Variants in SPPL2A observed in about 807,000 individuals in gnomAD.
SPPL2A encodes the protein signal peptide peptidase-like 2A.
SPPL2A carries 51 observed loss-of-function variants against 63.8 expected under a neutral mutation model. That is an observed-to-expected ratio of 0.80 (90% CI 0.64 to 1.01). The LOEUF (loss-of-function observed/expected upper bound fraction) is 1.01, where lower values mean the gene tolerates loss of function less well. SPPL2A is among the 50% of genes least tolerant of loss of function. The pLI, the probability that SPPL2A is intolerant of heterozygous loss-of-function variation, is 0.00. For missense variants in SPPL2A, 553 were observed against 622.7 expected, an observed-to-expected ratio of 0.89 and a Z score of 1.19; for synonymous variants, 188 against 205.8, an observed-to-expected ratio of 0.91 and a Z score of 0.74.
At chr15:50,737,304 T>A (rs1414200150) in intron 6 of SPPL2A, among the ~76,000 whole-genome samples, 1 of 152,172 alleles carries the variant, frequency 6.6e-6, no homozygotes, top group Non-Finnish European at 1.5e-5. Context: ...CTTTTTTCTA[T>A]CAATGACTAC....
chr15:50,740,243 A>G (rs1369587323), intron 5 of SPPL2A, among the ~76,000 whole-genome samples: 1 of 151,738 alleles, frequency 6.6e-6, no homozygotes, highest in Non-Finnish European at 1.5e-5. Flanking sequence ...CCTAACCAAC[A>G]TGGTGAAACT....
chr15:50,756,771 T>C (rs1029434907), intron 1 of SPPL2A, among the ~76,000 whole-genome samples: 2 of 152,112 alleles, frequency 1.3e-5, no homozygotes, highest in African/African-American at 4.8e-5. Context: ...TAACATAATC[T>C]AGTCTCTTCA....
intron 12 of SPPL2A, among the ~76,000 whole-genome samples, chr15:50,723,771 C>T (rs2062665622): frequency 6.6e-6 from 1 of 152,172 alleles, no homozygotes; most frequent in Non-Finnish European, 1.5e-5. Flanking sequence ...CCGCCAAGCT[C>T]GGCTCATGCT....
intron 3 of SPPL2A, among the ~76,000 whole-genome samples, chr15:50,748,459 C>CAT (rs932890171): frequency 1.1e-4 from 17 of 150,764 alleles, no homozygotes; most frequent in African/African-American, 3.4e-4. Flanking sequence ...TATATATATG[C>CAT]ATATATATAT....
intron 6 of SPPL2A, 46 bp from the exon 7 acceptor site, chr15:50,736,786 T>G (rs756240898): frequency 1.1e-6 from 1 of 935,358 alleles, no homozygotes; most frequent in Non-Finnish European, 1.7e-6. Context: ...GAAGGAAAGG[T>G]GATAAGAAAA....
intron 5 of SPPL2A, among the ~76,000 whole-genome samples, chr15:50,740,300 G>T (rs923077014): frequency 1.9e-4 from 29 of 151,824 alleles, no homozygotes; most frequent in African/African-American, 6.3e-4. Flanking sequence ...GGTGGTGTGT[G>T]CCTGTAATCT....
intron 9 of SPPL2A, among the ~76,000 whole-genome samples, chr15:50,732,184 A>G (rs2062736651): frequency 1.3e-5 from 2 of 152,166 alleles, no homozygotes; most frequent in South Asian, 4.1e-4. Flanking sequence ...ATGGTGGAAG[A>G]GTTAGAAGGG....
At chr15:50,765,421 G>GCCCCGC (rs1200779641) in intron 1 of SPPL2A, 47 bp downstream of exon 1, 2 of 1,443,842 alleles carry the variant, frequency 1.4e-6, no homozygotes, top group Non-Finnish European at 1.8e-6. Context: ...CTTGGCCCCG[G>GCCCCGC]CCCCGCCCAG....
intron 14 of SPPL2A, among the ~76,000 whole-genome samples, chr15:50,710,229 C>T (rs538322162): frequency 2.0e-5 from 3 of 152,188 alleles, no homozygotes; most frequent in Admixed American, 1.3e-4. Flanking sequence ...AAATGATAGC[C>T]CACATACCCT....
At position 50,707,826 on chromosome 15, in the gene SPPL2A, A is replaced by G. The variant is rs769621126; in HGVS notation, c.1537T>C (p.Ser513Pro). 8 of 1,583,348 alleles carry G rather than the reference A, an allele frequency of 5.1e-6. No individual in the cohort carries two copies. The Admixed American group carries it at 8.3e-5, about 17-fold the overall frequency. ...TATTGCTGGACAATCTGTTCACCAG[A>G]TATCACAGGGTTTTCTTCATTTGTT... ...CATNEENPVI[S>P]GEQIVQQ Residue 513 changes from serine to proline, a missense_variant, in exon 15 of 15, where the codon TCT becomes CCT. Transcript: ENST00000261854.
chr15:50,739,681 C>A lies in SPPL2A; in HGVS notation c.732G>T (p.Leu244Phe). The change falls in exon 6 of 15, where the codon TTG becomes TTT. Residue 244 changes from leucine (L) to phenylalanine (F), a missense_variant and splice_region_variant. Coordinates refer to ENST00000261854, the MANE Select transcript of SPPL2A (RefSeq NM_032802.4). ...MVLLYFFYKW[L>F]VYVMIAIFCI... Reference sequence around the variant, plus strand: ...CAAACATAAAATATGACTTCTTACCCAACCATTTGTAGAAGAAATAAAGTA... The same window carrying A: ...CAAACATAAAATATGACTTCTTACCAAACCATTTGTAGAAGAAATAAAGTA... 1.3e-6 allele frequency: 2 copies of A among 1,555,788 alleles called. No individual in the cohort carries two copies. The highest frequency in any genetic ancestry group is 1.7e-6 in the Non-Finnish European group (2 of 1,154,486).
At chr15:50,732,477 C>T (rs2062738869) in intron 9 of SPPL2A, 126 bp downstream of exon 9, 3 of 606,392 alleles carry the variant, frequency 4.9e-6, no homozygotes, top group East Asian at 2.8e-5. Context: ...TAAAGTTACA[C>T]ATTCATAAAA....
chr15:50,734,390 T>C (rs986773593), intron 8 of SPPL2A, among the ~76,000 whole-genome samples: 1 of 152,112 alleles, frequency 6.6e-6, no homozygotes, highest in African/African-American at 2.4e-5. Context: ...AGACATCATG[T>C]TAAGTGAAAT....
At chr15:50,717,967 C>CGT (rs1555441111) in intron 14 of SPPL2A, among the ~76,000 whole-genome samples, 8 of 98,118 alleles carry the variant, frequency 8.2e-5, no homozygotes, top group African/African-American at 2.7e-4. Context: ...CTGTAACTTT[C>CGT]GTTTTTTTTT....
At chr15:50,731,768 A>G (rs1473753333) in intron 9 of SPPL2A, among the ~76,000 whole-genome samples, 1 of 150,996 alleles carries the variant, frequency 6.6e-6, no homozygotes, top group Non-Finnish European at 1.5e-5. Flanking sequence ...TCTCTACTAA[A>G]AATACAAAAA....
intron 9 of SPPL2A, among the ~76,000 whole-genome samples, 193 bp from the exon 10 acceptor site, chr15:50,731,232 T>A (rs369614138): frequency 3.3e-5 from 5 of 152,062 alleles, no homozygotes; most frequent in East Asian, 1.9e-4. Flanking sequence ...CTTATTTTTT[T>A]AAAAAAAATC....
intron 11 of SPPL2A, 114 bp downstream of exon 11, chr15:50,726,207 T>G: frequency 6.9e-7 from 1 of 1,459,142 alleles, no homozygotes; most frequent in African/African-American, 1.4e-5. Context: ...GAAATAAGTT[T>G]TACAATACCT....
chr15:50,731,375 G>T (rs554293925), intron 9 of SPPL2A, among the ~76,000 whole-genome samples: 1 of 151,844 alleles, frequency 6.6e-6, no homozygotes, highest in Non-Finnish European at 1.5e-5. Flanking sequence ...GTGAAACCCC[G>T]TCTCTACTAA....
chr15:50,761,348 G>A (rs1163289586), intron 1 of SPPL2A, among the ~76,000 whole-genome samples: 1 of 152,158 alleles, frequency 6.6e-6, no homozygotes, highest in African/African-American at 2.4e-5. Flanking sequence ...CGGGCACGGT[G>A]GCTCACACCT....
Sources: gnomAD v4.1 joint callset for allele counts (sites outside exome capture counted in the v4.1 genomes callset) on GRCh38, gnomAD v4.1.1 for gene constraint, MANE v1.5 for transcripts, NCBI Gene and HGNC (gene_info 2026-07-23, HGNC 2026-07-21) for gene names.